ADAM7: variants seen among roughly 807,000 people sequenced by gnomAD.
The protein encoded by ADAM7 is ADAM metallopeptidase domain 7, also known as disintegrin and metalloproteinase domain-containing protein 7.
A neutral mutation model predicts 102.9 loss-of-function variants in ADAM7; 97 were observed. The observed-to-expected ratio is 0.94, with a 90% CI of 0.80 to 1.12. The LOEUF is 1.12. Ranked by LOEUF, ADAM7 falls within the 50% of genes most tolerant of loss-of-function variation. ADAM7 has a pLI of 0.00. For synonymous variants in ADAM7, 334 were observed against 304.4 expected, an observed-to-expected ratio of 1.10 and a Z score of -1.01; for missense variants, 991 against 908.7, an observed-to-expected ratio of 1.09 and a Z score of -1.16.
chr8:24,484,029 G>A (rs1439980855), intron 9 of ADAM7, among the ~76,000 whole-genome samples: 1 of 152,062 alleles, frequency 6.6e-6, no homozygotes, highest in Non-Finnish European at 1.5e-5. Context: ...ATGTAGAAGT[G>A]GCAAGACAGT....
At chr8:24,448,407 TAC>T (rs927303825) in intron 3 of ADAM7, among the ~76,000 whole-genome samples, 1 of 152,160 alleles carries the variant, frequency 6.6e-6, no homozygotes, top group Non-Finnish European at 1.5e-5. Flanking sequence ...TAGTGAATTG[TAC>T]ACACAGAGAG....
Position 24,508,970 on chromosome 8 carries a change from A to C in ADAM7, c.*424A>C. 1 of 1,007,514 alleles carries C rather than the reference A, an allele frequency of 9.9e-7. No individual in the cohort carries two copies. The highest frequency in any genetic ancestry group is 4.4e-5 in the South Asian group (1 of 22,674). The allele number at this position is 1,007,514 out of a possible 1,614,324, so 62.4% of individuals were successfully genotyped here. ...AAGTACGTTTTAAAACTTGAACATG[A>C]CATCATTAGCACTAATTCTGGTTTA... On this transcript the variant is annotated 3_prime_UTR_variant, in exon 22 of 22. Coordinates refer to ENST00000175238, the MANE Select transcript of ADAM7 (RefSeq NM_003817.4).
At chr8:24,468,944 G>A in intron 7 of ADAM7, 124 bp downstream of exon 7, 4 of 909,926 alleles carry the variant, frequency 4.4e-6, no homozygotes, top group Non-Finnish European at 3.2e-6. Flanking sequence ...CCTATTTTTA[G>A]CTTCCCAAAA....
intron 3 of ADAM7, among the ~76,000 whole-genome samples, chr8:24,454,225 C>T (rs542990088): frequency 1.3e-5 from 2 of 152,324 alleles, no homozygotes; most frequent in South Asian, 2.1e-4. Flanking sequence ...TTACTGCTGT[C>T]TTTTTGTTTG....
chr8:24,465,850 T>C lies in ADAM7; in HGVS notation c.389+75T>C, dbSNP rs1162293417. On this transcript the variant is annotated intron_variant, in intron 5 of 21. Coordinates refer to ENST00000175238, the MANE Select transcript of ADAM7 (RefSeq NM_003817.4). ...TCAAAGAAGTTAACTTTGTTGATTT[T>C]GTTTTATCACTCCTGGTATATAGAA... 6.6e-6 allele frequency: 8 copies of C among 1,218,154 alleles called. No individual in the cohort carries two copies. The Admixed American group carries it at 1.8e-4, about 27-fold the overall frequency. The allele number at this position is 1,218,154 out of a possible 1,614,324, so 75.5% of individuals were successfully genotyped here. A position where few individuals can be genotyped will look rare whatever the true frequency, so the allele number is the denominator to read the frequency against.
At chr8:24,481,193 A>G (rs535118523) in intron 8 of ADAM7, among the ~76,000 whole-genome samples, 1 of 152,316 alleles carries the variant, frequency 6.6e-6, no homozygotes, top group Admixed American at 6.5e-5. Flanking sequence ...AGAGTTTAAA[A>G]GGCACCTAAT....
At chr8:24,485,803 T>G (rs1820121868) in intron 10 of ADAM7, among the ~76,000 whole-genome samples, 1 of 152,174 alleles carries the variant, frequency 6.6e-6, no homozygotes. Flanking sequence ...ACCTAAAAAC[T>G]GTTGACTCCC....
intron 14 of ADAM7, 78 bp from the exon 15 acceptor site, chr8:24,492,417 C>A: frequency 1.9e-6 from 2 of 1,052,714 alleles, no homozygotes; most frequent in Non-Finnish European, 2.8e-6. Context: ...AGTTTAATTA[C>A]ATTAGAAAAA....
chr8:24,474,588 C>T (rs1381279762), intron 7 of ADAM7, among the ~76,000 whole-genome samples: 3 of 151,762 alleles, frequency 2.0e-5, no homozygotes, highest in Non-Finnish European at 4.4e-5. Flanking sequence ...TATATGATAG[C>T]CAAATAAAAA....
At chr8:24,485,185 C>A in intron 9 of ADAM7, 92 bp from the exon 10 acceptor site, 1 of 1,131,216 alleles carries the variant, frequency 8.8e-7, no homozygotes, top group Non-Finnish European at 1.3e-6. Context: ...CATGCAAAAG[C>A]ATTGGCATTG....
At chr8:24,454,745 A>G (rs80176103) in intron 3 of ADAM7, among the ~76,000 whole-genome samples, 1 of 152,092 alleles carries the variant, frequency 6.6e-6, no homozygotes, top group Admixed American at 6.5e-5. Flanking sequence ...CGTCTTCTGC[A>G]TCGCTCACGC....
chr8:24,500,752 G>A (rs757577494), intron 18 of ADAM7, 38 bp from the exon 19 acceptor site: 1 of 1,535,502 alleles, frequency 6.5e-7, no homozygotes, highest in Non-Finnish European at 9.0e-7. Context: ...TTTTACAACT[G>A]ATACCCTCGA....
rs773961611 is a variant in ADAM7, at chr8:24,441,083, G to A, written c.-26G>A. ...TGAACTCCTTTTCTCAAGCACTTCT[G>A]CTCTCCTCTACCAGAATCACTCAGA... On this transcript the variant is annotated 5_prime_UTR_variant, in exon 1 of 22. Coordinates refer to ENST00000175238, the MANE Select transcript of ADAM7 (RefSeq NM_003817.4). The A allele has an allele frequency of 1.2e-6, 2 of 1,607,574 alleles. No individual in the cohort carries two copies. The highest frequency in any genetic ancestry group is 4.5e-5 in the East Asian group (2 of 44,812).
intron 7 of ADAM7, among the ~76,000 whole-genome samples, chr8:24,474,069 T>G (rs886666825): frequency 6.6e-5 from 10 of 152,116 alleles, no homozygotes; most frequent in African/African-American, 2.4e-4. Context: ...TAAGGTACAT[T>G]TGTTCATTGT....
At chr8:24,458,455 T>G (rs1209524998) in intron 3 of ADAM7, among the ~76,000 whole-genome samples, 1 of 152,212 alleles carries the variant, frequency 6.6e-6, no homozygotes, top group Non-Finnish European at 1.5e-5. Flanking sequence ...TTCATTTTTC[T>G]ATGATTTGTG....
rs187537700 is a variant in ADAM7 at position 24,442,574 on chromosome 8, C to T, written c.154C>T (p.Leu52=). The T allele has an allele frequency of 1.2e-6, 2 of 1,610,804 alleles. No homozygotes were observed. The highest frequency in any genetic ancestry group is 1.7e-6 in the Non-Finnish European group (2 of 1,176,988). ...TGGACACACCCATGATGATGACATA[C>T]TGGTACAAGTTTTGATTTAGTAAAT... ...DTGHTHDDDI[L]KTYEEELLYE... The change falls in exon 2 of 22, where the codon CTG becomes TTG. Residue 52 remains leucine, a splice_region_variant and synonymous_variant. Transcript: ENST00000175238.
At chr8:24,503,468 C>T (rs1436373965) in intron 20 of ADAM7, among the ~76,000 whole-genome samples, 1 of 152,082 alleles carries the variant, frequency 6.6e-6, no homozygotes, top group East Asian at 1.9e-4. Flanking sequence ...GACAGTGTGG[C>T]AATTTCTCAA....
At chr8:24,471,496 T>TA (rs1819601609) in intron 7 of ADAM7, among the ~76,000 whole-genome samples, 1 of 152,008 alleles carries the variant, frequency 6.6e-6, no homozygotes, top group African/African-American at 2.4e-5. Context: ...TACCATTTTT[T>TA]ATTGTACTTT....
At chr8:24,479,620 G>A (rs1294668823) in intron 8 of ADAM7, among the ~76,000 whole-genome samples, 1 of 152,052 alleles carries the variant, frequency 6.6e-6, no homozygotes, top group East Asian at 1.9e-4. Flanking sequence ...GGAGGCCCAT[G>A]GAGATCAATC....
Sources: gnomAD v4.1 joint callset for allele counts (sites outside exome capture counted in the v4.1 genomes callset) on GRCh38, gnomAD v4.1.1 for gene constraint, MANE v1.5 for transcripts, NCBI Gene and HGNC (gene_info 2026-07-23, HGNC 2026-07-21) for gene names.